Variants in PPP1R11 observed in about 807,000 individuals in gnomAD.
PPP1R11 encodes protein phosphatase 1 regulatory inhibitor subunit 11.
Under a neutral mutation model 11.3 loss-of-function variants are expected in PPP1R11, and 10 were observed. The ratio of observed to expected loss-of-function variants is 0.88; its 90% CI spans 0.55 to 1.50. The LOEUF is 1.50. Ranked by LOEUF, PPP1R11 falls within the 40% of genes most tolerant of loss-of-function variation. The pLI, the probability that PPP1R11 is intolerant of heterozygous loss-of-function variation, is 0.00. For missense variants in PPP1R11, 114 were observed against 179.1 expected (o/e 0.64, Z 2.07); for synonymous variants, 56 against 62.3 (o/e 0.90, Z 0.48).
upstream of PPP1R11, chr6:30,061,820 T>C: frequency 6.5e-7 from 1 of 1,544,214 alleles, no homozygotes; most frequent in Non-Finnish European, 8.9e-7. This position sits in a 1 kb window ranked among gnomAD's most constrained non-coding sequence, Gnocchi z 5.0. Context: ...GGAAAGGATG[T>C]AGGGCCTCCT....
upstream of PPP1R11, chr6:30,065,028 GA>G: frequency 3.8e-6 from 1 of 262,776 alleles, no homozygotes; most frequent in East Asian, 7.1e-5. This position sits in a 1 kb window ranked among gnomAD's most constrained non-coding sequence, Gnocchi z 5.3. Flanking sequence ...AGTCAGGAAT[GA>G]GGCTAATATA....
intron 1 of PPP1R11, chr6:30,068,169 T>G (rs750854681): frequency 1.9e-5 from 3 of 155,198 alleles, no homozygotes; most frequent in Non-Finnish European, 4.3e-5. Flanking sequence ...GAGAGAGGTT[T>G]TGTTTGTTTT....
chr6:30,063,125 T>C (rs1352992352), upstream of PPP1R11, among the ~76,000 whole-genome samples: 2 of 152,022 alleles, frequency 1.3e-5, no homozygotes, highest in Non-Finnish European at 2.9e-5. This position sits in a 1 kb window ranked among gnomAD's most constrained non-coding sequence, Gnocchi z 4.1. Flanking sequence ...TTGGGATTTG[T>C]TGGACTTTCT....
At chr6:30,062,253 T>C (rs1357330193), upstream of PPP1R11, 6 of 1,612,944 alleles carry the variant, frequency 3.7e-6, no homozygotes, top group African/African-American at 4.0e-5. Context: ...GATGTGGTCA[T>C]GAAGGAATGG....
Position 30,067,477 on chromosome 6 carries a change from C to T in PPP1R11, c.67C>T (p.Pro23Ser). Residue 23 changes from proline (P) to serine (S), a missense_variant and splice_region_variant, in exon 1 of 3, where the codon CCC becomes TCC. Pro to Ser is a moderately conservative substitution (Grantham distance 74, BLOSUM62 -1). Coordinates refer to ENST00000376772, the MANE Select transcript of PPP1R11 (RefSeq NM_021959.3). ...GACAACGGTTACCGTGACAACCGAG[C>T]CCGTGAGAAAGGCGGGGGGGCGGTG... is the stretch of plus-strand genomic sequence containing the variant. ...TETTVTVTTEPENRSLTIKLR... is the reference protein window; with the variant it reads ...TETTVTVTTESENRSLTIKLR... The T allele has an allele frequency of 1.2e-6, 2 of 1,613,892 alleles. No individual in the cohort carries two copies. Among genetic ancestry groups the T allele is most frequent in the South Asian group, 2.2e-5 (2 of 91,076 alleles).
At chr6:30,062,042 G>A, upstream of PPP1R11, 1 of 1,601,382 alleles carries the variant, frequency 6.2e-7, no homozygotes, top group South Asian at 1.1e-5. Context: ...TCAAGAACTG[G>A]CTCCATAAGG....
rs1765827714 is a variant in PPP1R11, at chr6:30,070,287, C to A, written c.*981C>A. On this transcript the variant is annotated 3_prime_UTR_variant, in exon 3 of 3. Transcript: ENST00000376772. Reference sequence around the variant, plus strand: ...CAAATCCATACCACCACTGAGATCTCATTTATTGCCACAGATGCACAAAAT... The same window carrying A: ...CAAATCCATACCACCACTGAGATCTAATTTATTGCCACAGATGCACAAAAT... The A allele has an allele frequency of 6.4e-6, 1 of 156,998 alleles. No individual in the cohort carries two copies. Among genetic ancestry groups the A allele is most frequent in the Non-Finnish European group, 1.4e-5 (1 of 70,784 alleles). The allele number at this position is 156,998 out of a possible 1,614,324, so 9.7% of individuals were successfully genotyped here.
upstream of PPP1R11, chr6:30,061,876 C>T (rs956160607): frequency 6.3e-7 from 1 of 1,599,900 alleles, no homozygotes; most frequent in Non-Finnish European, 8.6e-7. The surrounding 1 kb of genome is among the most constrained non-coding windows in gnomAD (Gnocchi z 5.0). Flanking sequence ...TGTCAGCTCT[C>T]TCTGGTTGTC....
At chr6:30,062,786 G>C (rs1765216481), upstream of PPP1R11, among the ~76,000 whole-genome samples, 1 of 131,882 alleles carries the variant, frequency 7.6e-6, no homozygotes, top group African/African-American at 2.9e-5. Flanking sequence ...TTCCCAGGCT[G>C]GTCTTGAACT....
intron 1 of PPP1R11, among the ~76,000 whole-genome samples, chr6:30,067,832 C>T (rs1447674502): frequency 6.6e-6 from 1 of 151,780 alleles, no homozygotes. Context: ...TGGAGGCCAA[C>T]TTATCAATAT....
upstream of PPP1R11, chr6:30,062,389 G>C: frequency 7.9e-7 from 1 of 1,259,428 alleles, no homozygotes; most frequent in Non-Finnish European, 1.2e-6. Flanking sequence ...AACAAATCCA[G>C]TGATTTATTT....
At position 30,068,833 on chromosome 6, in the gene PPP1R11, T is replaced by A. The variant is rs114603121; in HGVS notation, c.178+135T>A. On this transcript the variant is annotated intron_variant, in intron 2 of 2. Coordinates refer to ENST00000376772, the MANE Select transcript of PPP1R11 (RefSeq NM_021959.3). Reference sequence around the variant, plus strand: ...TGTCACTTTTTTGGTGGTGCTGTGGTATCAGGGAAAGAGGTAGGGAAGGGC... The same window carrying A: ...TGTCACTTTTTTGGTGGTGCTGTGGAATCAGGGAAAGAGGTAGGGAAGGGC... 8.9e-4 allele frequency: 746 copies of A among 842,278 alleles called. 4 individuals carry two copies. The African/African-American group carries it at 0.012, about 13-fold the overall frequency. 52.2% of individuals were successfully genotyped at this position (842,278 alleles called of 1,614,324 possible).
upstream of PPP1R11, chr6:30,064,611 T>C: frequency 6.7e-7 from 1 of 1,484,918 alleles, no homozygotes; most frequent in Non-Finnish European, 9.2e-7. Context: ...TTGCATATCT[T>C]ATCTTATACT....
chr6:30,062,389 G>A, upstream of PPP1R11: 9 of 1,259,432 alleles, frequency 7.1e-6, no homozygotes, highest in Non-Finnish European at 1.0e-5. Context: ...AACAAATCCA[G>A]TGATTTATTT....
In PPP1R11 at chr6:30,068,682, C is replaced by T; in HGVS notation, c.162C>T (p.Gly54=). 6.2e-7 allele frequency: 1 copy of T among 1,612,704 alleles called. No homozygotes were observed. The highest frequency in any genetic ancestry group is 8.5e-7 in the Non-Finnish European group (1 of 1,179,760). Reference sequence around the variant, plus strand: ...ACACTGTGGACAATGAACACATGGGCCGCCGCTCATCCAAATGTGAGTAAT... The same window carrying T: ...ACACTGTGGACAATGAACACATGGGTCGCCGCTCATCCAAATGTGAGTAAT... ...TSDTVDNEHM[G]RRSSKCCCIY... is the part of the protein sequence containing the mutation. Residue 54 remains glycine, a synonymous_variant, in exon 2 of 3, where the codon GGC becomes GGT. Coordinates refer to ENST00000376772, the MANE Select transcript of PPP1R11 (RefSeq NM_021959.3).
chr6:30,067,600 A>T, intron 1 of PPP1R11, 121 bp downstream of exon 1: 2 of 1,248,668 alleles, frequency 1.6e-6, no homozygotes, highest in South Asian at 2.6e-5. Flanking sequence ...GTGGGGTTGA[A>T]TATCTAGGGC....
Position 30,067,393 on chromosome 6 carries a change from C to G in PPP1R11, c.-18C>G. On this transcript the variant is annotated 5_prime_UTR_variant, in exon 1 of 3. Coordinates refer to ENST00000376772, the MANE Select transcript of PPP1R11 (RefSeq NM_021959.3). ...CTCATCCCCCTTCCTCCTCTCCTCC[C>G]TGTCCTGAGCCTTAGCCATGGCCGA... 6.2e-7 allele frequency: 1 copy of G among 1,612,548 alleles called. No homozygotes were observed. The highest frequency in any genetic ancestry group is 8.5e-7 in the Non-Finnish European group (1 of 1,178,634).
At chr6:30,062,714 C>CTTTTT (rs9278555), upstream of PPP1R11, among the ~76,000 whole-genome samples, 13 of 42,386 alleles carry the variant, frequency 3.1e-4, no homozygotes, top group African/African-American at 4.1e-4. Flanking sequence ...CCACGCCTGG[C>CTTTTT]TTTTTTTTTT....
chr6:30,063,089 C>G (rs923186828), upstream of PPP1R11, among the ~76,000 whole-genome samples: 3 of 152,060 alleles, frequency 2.0e-5, no homozygotes, highest in Non-Finnish European at 4.4e-5. The surrounding 1 kb of genome is among the most constrained non-coding windows in gnomAD (Gnocchi z 4.1). Context: ...TATAGTATAT[C>G]AAAATACGAT....
Sources: allele counts gnomAD v4.1 joint callset (sites outside exome capture counted in the v4.1 genomes callset), GRCh38; gene constraint gnomAD v4.1.1; non-coding constraint Gnocchi (gnomAD v3.1); transcripts MANE v1.5; gene names NCBI Gene and HGNC (gene_info 2026-07-23, HGNC 2026-07-21).